Variants in VPS26A observed in about 807,000 individuals in gnomAD.
VPS26A encodes the protein VPS26 retromer complex component A.
A neutral mutation model predicts 42.4 loss-of-function variants in VPS26A; 22 were observed. The ratio of observed to expected loss-of-function variants is 0.52; its 90% CI spans 0.37 to 0.74. The LOEUF is 0.74. VPS26A is among the 30% of genes least tolerant of loss of function. VPS26A has a pLI of 0.00. For synonymous variants in VPS26A, 110 were observed against 123.5 expected, an observed-to-expected ratio of 0.89 and a Z score of 0.73; for missense variants, 276 against 379.2, an observed-to-expected ratio of 0.73 and a Z score of 2.26.
At chr10:69,132,431 G>GTTTTTTTTTTT (rs3086557) in intron 1 of VPS26A, among the ~76,000 whole-genome samples, 14 of 141,300 alleles carry the variant, frequency 9.9e-5, no homozygotes, top group South Asian at 2.2e-4. Flanking sequence ...TTTTGATGTA[G>GTTTTTTTTTTT]TTTTTTTTTT....
At position 69,135,153 on chromosome 10, in the gene VPS26A, C is replaced by T. The variant is rs183628113; in HGVS notation, c.153+2106C>T. On this transcript the variant is annotated intron_variant, in intron 2 of 8. Coordinates refer to ENST00000263559, the MANE Select transcript of VPS26A (RefSeq NM_004896.5). The stretch of plus-strand genomic sequence containing the variant: ...TTACAGATATGACATGTAAATATCT[C>T]TCCTACTAATTTGTAAGCTCCTTAA... Among the ~76,000 whole-genome samples the T allele has an allele frequency of 1.6e-3, 248 of 152,278 alleles. 2 individuals are homozygous for T. Among genetic ancestry groups the T allele is most frequent in the Middle Eastern group, 3.4e-3 (1 of 294 alleles).
intron 2 of VPS26A, among the ~76,000 whole-genome samples, chr10:69,141,246 C>A (rs1423177809): frequency 6.6e-6 from 1 of 152,194 alleles, no homozygotes; most frequent in Non-Finnish European, 1.5e-5. Context: ...ATGTAAGAGA[C>A]AACCCCAAAA....
At chr10:69,144,500 T>A (rs1273764897) in intron 2 of VPS26A, among the ~76,000 whole-genome samples, 1 of 152,248 alleles carries the variant, frequency 6.6e-6, no homozygotes, top group Non-Finnish European at 1.5e-5. Flanking sequence ...TTTTGTCTTT[T>A]CTAGAATGTC....
At chr10:69,163,503 G>T (rs1841609156) in intron 6 of VPS26A, among the ~76,000 whole-genome samples, 1 of 152,144 alleles carries the variant, frequency 6.6e-6, no homozygotes, top group Non-Finnish European at 1.5e-5. Flanking sequence ...GAATGTAGGA[G>T]AGTGCCTCTT....
intron 2 of VPS26A, among the ~76,000 whole-genome samples, chr10:69,139,840 A>G (rs1279114514): frequency 6.6e-6 from 1 of 151,262 alleles, no homozygotes; most frequent in Non-Finnish European, 1.5e-5. Flanking sequence ...TTTTACTTCT[A>G]TTTCTAATTC....
In VPS26A at chr10:69,173,469, A is replaced by G. The variant is rs71478883; in HGVS notation, c.*2200A>G. Among the ~76,000 whole-genome samples, 1 of 152,076 alleles carries G rather than the reference A, an allele frequency of 6.6e-6. No individual in the cohort carries two copies. Among genetic ancestry groups the G allele is most frequent in the African/African-American group, 2.4e-5 (1 of 41,410 alleles). On this transcript the variant is annotated 3_prime_UTR_variant, in exon 9 of 9. Coordinates refer to ENST00000263559, the MANE Select transcript of VPS26A (RefSeq NM_004896.5). ...AGACCCTATCTCTACAAAAAAATTA[A>G]CAATGAGCTGGGCATGGTGGCATGC...
At chr10:69,166,939 C>T (rs1038374252) in intron 7 of VPS26A, among the ~76,000 whole-genome samples, 1 of 151,340 alleles carries the variant, frequency 6.6e-6, no homozygotes, top group African/African-American at 2.4e-5. Context: ...CCAGCCTGGC[C>T]AATATGGTGA....
At chr10:69,163,163 T>A (rs1002130372) in intron 6 of VPS26A, among the ~76,000 whole-genome samples, 3 of 152,256 alleles carry the variant, frequency 2.0e-5, no homozygotes, top group Non-Finnish European at 4.4e-5. Context: ...ACCAGTCTGC[T>A]GTTTGTGGAC....
chr10:69,125,849 C>T (rs1840639923), intron 1 of VPS26A, among the ~76,000 whole-genome samples: 1 of 152,104 alleles, frequency 6.6e-6, no homozygotes, highest in Non-Finnish European at 1.5e-5. Context: ...AGTGAAATTC[C>T]TTCAGTGGGG....
chr10:69,136,297 C>T (rs1454518056), intron 2 of VPS26A, among the ~76,000 whole-genome samples: 7 of 149,606 alleles, frequency 4.7e-5, no homozygotes, highest in Non-Finnish European at 1.0e-4. Context: ...CAGAGTCTTG[C>T]TCTGTCCCCC....
intron 2 of VPS26A, among the ~76,000 whole-genome samples, chr10:69,142,133 T>C (rs559111261): frequency 6.7e-6 from 1 of 150,326 alleles, no homozygotes; most frequent in East Asian, 2.0e-4. Flanking sequence ...TCTGCCTGCC[T>C]CAGCCTCCCA....
intron 1 of VPS26A, 97 bp from the exon 2 acceptor site, chr10:69,132,801 G>A (rs1840815128): frequency 9.1e-6 from 11 of 1,208,344 alleles, no homozygotes; most frequent in South Asian, 1.6e-5. Context: ...CAGATTTGCA[G>A]TCTATTTAAC....
chr10:69,124,378 C>CG (rs1209796726), intron 1 of VPS26A, 98 bp downstream of exon 1: 26 of 1,182,972 alleles, frequency 2.2e-5, no homozygotes, highest in Admixed American at 8.9e-5. Flanking sequence ...GAGGAGGGGA[C>CG]GGGGGAGCAG....
At position 69,172,790 on chromosome 10, in the gene VPS26A, T is replaced by G. The variant is rs1025763670; in HGVS notation, c.*1521T>G. 6.6e-6 allele frequency: 1 copy of G among 152,658 alleles called. No homozygotes were observed. The highest frequency in any genetic ancestry group is 1.5e-5 in the Non-Finnish European group (1 of 68,044). The allele number at this position is 152,658 out of a possible 1,614,324, so 9.5% of individuals were successfully genotyped here. On this transcript the variant is annotated 3_prime_UTR_variant, in exon 9 of 9. Transcript: ENST00000263559. ...AGCCAGAAAATATTCAAAGAGATTT[T>G]GAAAACCAATTGTATTTAACCAGCC...
At chr10:69,129,134 C>T (rs1015488340) in intron 1 of VPS26A, among the ~76,000 whole-genome samples, 1 of 151,774 alleles carries the variant, frequency 6.6e-6, no homozygotes. Flanking sequence ...TAGCATTATC[C>T]TTCAATATAA....
intron 1 of VPS26A, among the ~76,000 whole-genome samples, chr10:69,124,633 C>G (rs1363555516): frequency 6.6e-6 from 1 of 152,230 alleles, no homozygotes. Flanking sequence ...CTGTTCTCCT[C>G]CCGGGCAGCC....
chr10:69,145,057 CAG>C (rs1168609563), intron 2 of VPS26A, among the ~76,000 whole-genome samples: 2 of 151,856 alleles, frequency 1.3e-5, no homozygotes, highest in Non-Finnish European at 2.9e-5. Flanking sequence ...ATTTTTGAGA[CAG>C]AGTTTCGCTC....
intron 2 of VPS26A, among the ~76,000 whole-genome samples, chr10:69,151,091 C>G (rs749185550): frequency 6.6e-6 from 1 of 151,384 alleles, no homozygotes; most frequent in Non-Finnish European, 1.5e-5. Context: ...TGGTGAAACC[C>G]CGTCTCTACT....
intron 1 of VPS26A, among the ~76,000 whole-genome samples, chr10:69,131,141 A>G (rs374274133): frequency 2.1e-4 from 32 of 152,142 alleles, no homozygotes; most frequent in African/African-American, 5.8e-4. Context: ...ATGCACCACC[A>G]TGCCCGACTA....
Sources: gnomAD v4.1 joint callset for allele counts (sites outside exome capture counted in the v4.1 genomes callset) on GRCh38, gnomAD v4.1.1 for gene constraint, MANE v1.5 for transcripts, NCBI Gene and HGNC (gene_info 2026-07-23, HGNC 2026-07-21) for gene names.